Variants in PTPRE observed in about 807,000 individuals in gnomAD.
PTPRE encodes protein tyrosine phosphatase receptor type E, also known as receptor-type tyrosine-protein phosphatase epsilon.
In PTPRE, 51 loss-of-function variants were observed where a neutral mutation model predicts 102.0. That is an observed-to-expected ratio of 0.50 (90% CI 0.40 to 0.63). PTPRE has a LOEUF of 0.63. Among genes scored for constraint, PTPRE ranks in the 30% least tolerant of loss-of-function variants. The pLI is 0.00. For missense variants in PTPRE, 752 were observed against 915.1 expected, an observed-to-expected ratio of 0.82 and a Z score of 2.30; for synonymous variants, 345 against 348.2, an observed-to-expected ratio of 0.99 and a Z score of 0.10.
chr10:127,962,537 C>A (rs1042551510), intron 1 of PTPRE, among the ~76,000 whole-genome samples: 5 of 152,160 alleles, frequency 3.3e-5, no homozygotes, highest in African/African-American at 1.2e-4. Flanking sequence ...TGGAGTGTGC[C>A]CTGGTGACAT....
intron 1 of PTPRE, among the ~76,000 whole-genome samples, chr10:127,962,951 G>T (rs1373966426): frequency 6.6e-6 from 1 of 152,178 alleles, no homozygotes; most frequent in Non-Finnish European, 1.5e-5. Flanking sequence ...GGCTCTGGAG[G>T]TCCCAAGTTG....
intron 2 of PTPRE, among the ~76,000 whole-genome samples, chr10:128,029,055 T>C (rs143360167): frequency 2.0e-4 from 30 of 152,320 alleles, no homozygotes; most frequent in African/African-American, 7.0e-4. Context: ...CCCTCTTGAT[T>C]GCGACTCCTC....
At chr10:128,037,957 A>ATTTTTTTTTTTTTTTTTTTTTTTTTTT (rs34089996) in intron 2 of PTPRE, among the ~76,000 whole-genome samples, 3 of 115,956 alleles carry the variant, frequency 2.6e-5, no homozygotes, top group Non-Finnish European at 5.2e-5. Flanking sequence ...TGTCCGGCTA[A>ATTTTTTTTTTTTTTTTTTTTTTTTTTT]TTTTTTTTTT....
intron 1 of PTPRE, among the ~76,000 whole-genome samples, chr10:127,913,830 C>T (rs1306501326): frequency 1.3e-5 from 2 of 152,294 alleles, no homozygotes; most frequent in Non-Finnish European, 2.9e-5. Flanking sequence ...ATTTGATGTC[C>T]GACCCTGGGA....
chr10:128,073,547 G>T, intron 17 of PTPRE, 76 bp downstream of exon 17: 1 of 1,516,164 alleles, frequency 6.6e-7, no homozygotes, highest in Non-Finnish European at 8.9e-7. Context: ...CATTACAAAT[G>T]TCCCACCTGC....
At position 127,948,778 on chromosome 10, in the gene PTPRE, G is replaced by T. The variant is rs557764552; in HGVS notation, c.-30-33496G>T. On this transcript the variant is annotated intron_variant, in intron 1 of 20. Transcript: ENST00000254667. ...ACCTACATTGTGATGGTTAATTTGA[G>T]GTGCCAACTTGACAGGATTAAGGAA... Among the ~76,000 whole-genome samples the T allele has an allele frequency of 2.2e-4, 34 of 152,294 alleles. 1 individual carries two copies. Among genetic ancestry groups the T allele is most frequent in the African/African-American group, 7.9e-4 (33 of 41,548 alleles).
At chr10:127,958,091 T>C (rs1849534451) in intron 1 of PTPRE, among the ~76,000 whole-genome samples, 1 of 152,218 alleles carries the variant, frequency 6.6e-6, no homozygotes, top group African/African-American at 2.4e-5. Flanking sequence ...TTTTTTTGTT[T>C]TGTTTTTATT....
At chr10:127,982,932 C>T (rs192587404) in intron 2 of PTPRE, among the ~76,000 whole-genome samples, 66 of 152,282 alleles carry the variant, frequency 4.3e-4, no homozygotes, top group African/African-American at 1.5e-3. Flanking sequence ...CTAAACAAAT[C>T]GAAGGAAGAA....
Position 128,073,407 on chromosome 10 carries a change from G to C in PTPRE, c.1535G>C (p.Arg512Thr). ...PLAHTVEDFW[R>T]MIWEWKSHTI... The stretch of plus-strand genomic sequence containing the variant: ...GCACACACGGTTGAGGACTTCTGGA[G>C]GATGATCTGGGAATGGAAATCCCAC... Residue 512 changes from arginine (R) to threonine (T), a missense_variant, in exon 17 of 21, where the codon AGG becomes ACG. Arg to Thr is a moderately conservative substitution (Grantham distance 71). Coordinates refer to ENST00000254667, the MANE Select transcript of PTPRE (RefSeq NM_006504.6). The C allele has an allele frequency of 6.8e-6, 11 of 1,614,234 alleles. No homozygotes were observed. Among genetic ancestry groups the C allele is most frequent in the Non-Finnish European group, 9.3e-6 (11 of 1,180,024 alleles).
chr10:128,068,083 G>T, intron 11 of PTPRE, 40 bp from the exon 12 acceptor site: 1 of 1,583,978 alleles, frequency 6.3e-7, no homozygotes, highest in South Asian at 1.1e-5. Context: ...GCAGGGGGAG[G>T]ATTGTTTCAC....
chr10:128,027,813 C>A (rs537796198), intron 2 of PTPRE, among the ~76,000 whole-genome samples: 1 of 152,184 alleles, frequency 6.6e-6, no homozygotes, highest in East Asian at 1.9e-4. Flanking sequence ...ATAAATGAAC[C>A]GAGAGAGACC....
chr10:128,048,871 T>A (rs1269538898), intron 5 of PTPRE, among the ~76,000 whole-genome samples: 1 of 152,158 alleles, frequency 6.6e-6, no homozygotes, highest in African/African-American at 2.4e-5. Flanking sequence ...GTTATCATGT[T>A]GACCTTGTCA....
At chr10:127,984,657 G>T (rs1851931790) in intron 2 of PTPRE, among the ~76,000 whole-genome samples, 1 of 152,116 alleles carries the variant, frequency 6.6e-6, no homozygotes, top group African/African-American at 2.4e-5. Context: ...AATCATGGGG[G>T]CGGTTCCCCC....
At chr10:128,043,393 G>T in intron 3 of PTPRE, among the ~76,000 whole-genome samples, 1 of 152,168 alleles carries the variant, frequency 6.6e-6, no homozygotes, top group South Asian at 2.1e-4. Flanking sequence ...TCACAATAGG[G>T]CTCACGGTCC....
intron 2 of PTPRE, among the ~76,000 whole-genome samples, chr10:128,032,798 A>C (rs1042941085): frequency 6.6e-6 from 1 of 152,260 alleles, no homozygotes; most frequent in Non-Finnish European, 1.5e-5. Flanking sequence ...AAGTCAGTAC[A>C]ACTTGTAAAA....
Position 127,911,907 on chromosome 10 carries a change from C to G in PTPRE, c.-31+4598C>G, listed in dbSNP as rs1279871445. Among the ~76,000 whole-genome samples, 6 of 151,744 alleles carry G rather than the reference C, an allele frequency of 4.0e-5. No individual in the cohort carries two copies. The South Asian group carries it at 1.2e-3, about 32-fold the overall frequency. On this transcript the variant is annotated intron_variant, in intron 1 of 20. Coordinates refer to ENST00000254667, the MANE Select transcript of PTPRE (RefSeq NM_006504.6). ...TTTTTTTTTCACCAAAAGCAGAGTG[C>G]TGGATGATATTTTAGATGGCTGGGA...
intron 17 of PTPRE, among the ~76,000 whole-genome samples, chr10:128,075,306 G>C (rs1015299662): frequency 6.6e-6 from 1 of 152,078 alleles, no homozygotes; most frequent in Non-Finnish European, 1.5e-5. Flanking sequence ...TTTAAGTTCT[G>C]GAGACAAGTG....
At chr10:127,975,479 C>T (rs1274249464) in intron 1 of PTPRE, among the ~76,000 whole-genome samples, 1 of 152,186 alleles carries the variant, frequency 6.6e-6, no homozygotes, top group Admixed American at 6.5e-5. Flanking sequence ...TTGCCCTGGC[C>T]TCTGGCCACA....
intron 12 of PTPRE, chr10:128,068,575 C>T (rs1027670804): frequency 1.2e-5 from 3 of 252,682 alleles, no homozygotes; most frequent in African/African-American, 4.4e-5. Flanking sequence ...CACCTCTCCC[C>T]GGGAATCCCA....
Sources: allele counts gnomAD v4.1 joint callset (sites outside exome capture counted in the v4.1 genomes callset), GRCh38; gene constraint gnomAD v4.1.1; transcripts MANE v1.5; gene names NCBI Gene and HGNC (gene_info 2026-07-23, HGNC 2026-07-21).